The following PPP2R5C variants were observed in gnomAD, a reference collection of about 807,000 sequenced individuals.
PPP2R5C encodes protein phosphatase 2 regulatory subunit B'gamma, also known as serine/threonine-protein phosphatase 2A 56 kDa regulatory subunit gamma isoform.
A neutral mutation model predicts 68.9 loss-of-function variants in PPP2R5C; 7 were observed. That is an observed-to-expected ratio of 0.10 (90% CI 0.06 to 0.19). The LOEUF is 0.19. PPP2R5C is among the 10% of genes least tolerant of loss of function. The probability of loss-of-function intolerance (pLI) is 1.00; values close to 1 mark genes in which losing one functional copy is unlikely to be tolerated. For missense variants in PPP2R5C, 348 were observed against 641.3 expected (o/e 0.54, Z 4.94); for synonymous variants, 210 against 222.2 (o/e 0.95, Z 0.49).
chr14:101,905,269 G>A (rs1244846846), intron 9 of PPP2R5C, among the ~76,000 whole-genome samples: 2 of 152,214 alleles, frequency 1.3e-5, no homozygotes, highest in African/African-American at 2.4e-5. Flanking sequence ...TAGGAGAATC[G>A]CTTGAACCCA....
chr14:101,903,021 T>G (rs1265460130), intron 9 of PPP2R5C, among the ~76,000 whole-genome samples: 2 of 151,538 alleles, frequency 1.3e-5, no homozygotes, highest in Non-Finnish European at 2.9e-5. Flanking sequence ...TTGGGTTTTT[T>G]TTTTTTTTTT....
rs1269234855 is a variant in PPP2R5C, at chr14:101,871,974, T to G, written c.295-10187T>G. Among the ~76,000 whole-genome samples the G allele has an allele frequency of 4.6e-5, 7 of 152,126 alleles. No homozygotes were observed. The South Asian group carries it at 1.4e-3, about 31-fold the overall frequency. On this transcript the variant is annotated intron_variant, in intron 2 of 13. Transcript: ENST00000334743. ...CTTATTATTTTTGTTTTAAAGAAAT[T>G]TAAGTGATTTTTAAAAATCTTTTTT...
chr14:101,805,483 A>G (rs1366444580), upstream of PPP2R5C, among the ~76,000 whole-genome samples: 2 of 152,232 alleles, frequency 1.3e-5, no homozygotes, highest in East Asian at 1.9e-4. Context: ...TTATGCATCA[A>G]TTAAAAATAA....
upstream of PPP2R5C, among the ~76,000 whole-genome samples, chr14:101,805,648 C>A (rs969900808): frequency 7.9e-5 from 12 of 152,180 alleles, no homozygotes; most frequent in African/African-American, 2.7e-4. Flanking sequence ...AAGGTGGAAG[C>A]AACCCAAATG....
Position 101,915,270 on chromosome 14 carries a change from C to T in PPP2R5C, c.1327-2561C>T, listed in dbSNP as rs1046716447. On this transcript the variant is annotated intron_variant, in intron 12 of 13. Coordinates refer to ENST00000334743, the Ensembl canonical transcript of PPP2R5C. This position sits in a 1 kb window ranked among gnomAD's most constrained non-coding sequence, Gnocchi z 4.2. ...CTAATTTTTGTATTTTTAGTAGAGACGGGGTTTCACTATGTTGGCCAGGCT... is the reference window on the plus strand; with the variant it reads ...CTAATTTTTGTATTTTTAGTAGAGATGGGGTTTCACTATGTTGGCCAGGCT... 4.6e-5 allele frequency among the ~76,000 whole-genome samples: 7 copies of T among 152,096 alleles called. No homozygotes were observed. In the East Asian group the frequency reaches 5.8e-4, roughly 13 times the overall value.
chr14:101,867,581 C>G (rs979892990), intron 2 of PPP2R5C, among the ~76,000 whole-genome samples: 2 of 152,078 alleles, frequency 1.3e-5, no homozygotes, highest in Admixed American at 6.6e-5. Context: ...AGCTCGAGAC[C>G]AGCCTGACCA....
intron 3 of PPP2R5C, among the ~76,000 whole-genome samples, chr14:101,793,373 T>C (rs186714841): frequency 2.0e-5 from 3 of 152,372 alleles, no homozygotes; most frequent in Non-Finnish European, 2.9e-5. Flanking sequence ...AACATTATAG[T>C]GTTTTTGAAG....
At chr14:101,842,382 T>C (rs2041530584) in intron 1 of PPP2R5C, among the ~76,000 whole-genome samples, 1 of 152,166 alleles carries the variant, frequency 6.6e-6, no homozygotes, top group Admixed American at 6.5e-5. Flanking sequence ...GCCCGTGGGC[T>C]CTCAGTGGCT....
At chr14:101,784,515 G>A (rs1203218582) in intron 2 of PPP2R5C, among the ~76,000 whole-genome samples, 2 of 150,136 alleles carry the variant, frequency 1.3e-5, no homozygotes, top group African/African-American at 4.9e-5. Context: ...GAAAGTGGGG[G>A]GGGGGAACTG....
upstream of PPP2R5C, among the ~76,000 whole-genome samples, chr14:101,808,710 G>C (rs755254641): frequency 1.3e-5 from 2 of 152,198 alleles, no homozygotes; most frequent in Non-Finnish European, 2.9e-5. Flanking sequence ...GGGGGGAAGA[G>C]AGCAGGGGAA....
rs777570509 is a variant in PPP2R5C at position 101,883,572 on chromosome 14, G to T, written c.629+10G>T. The T allele has an allele frequency of 6.2e-7, 1 of 1,611,262 alleles. No individual in the cohort carries two copies. The highest frequency in any genetic ancestry group is 8.5e-7 in the Non-Finnish European group (1 of 1,179,186). On this transcript the variant is annotated intron_variant, in intron 5 of 13. Coordinates refer to ENST00000334743, the Ensembl canonical transcript of PPP2R5C. ...ATAATATATTTTATAGGTAAGTCAC[G>T]TGTGGATGGCGTTGTCCTTGTGTGT...
At chr14:101,875,379 G>T (rs570527387) in intron 2 of PPP2R5C, among the ~76,000 whole-genome samples, 1 of 152,186 alleles carries the variant, frequency 6.6e-6, no homozygotes, top group African/African-American at 2.4e-5. Flanking sequence ...AAAATGTACA[G>T]CATCATAGAA....
At chr14:101,902,208 T>C (rs2045726606) in intron 9 of PPP2R5C, among the ~76,000 whole-genome samples, 1 of 152,158 alleles carries the variant, frequency 6.6e-6, no homozygotes, top group Non-Finnish European at 1.5e-5. Context: ...GCATCAATAT[T>C]GATAGACAAC....
intron 1 of PPP2R5C, chr14:101,824,414 G>T (rs1344132671): frequency 5.1e-6 from 1 of 194,816 alleles, no homozygotes; most frequent in South Asian, 7.9e-5. Context: ...ACAATGTAGT[G>T]AAAAAAAAAC....
chr14:101,789,598 G>A (rs768327388), intron 3 of PPP2R5C: 1 of 152,160 alleles, frequency 6.6e-6, no homozygotes, highest in Non-Finnish European at 1.5e-5. Flanking sequence ...ATTTTCTTTA[G>A]AATATTTGCT....
intron 13 of PPP2R5C, chr14:101,921,902 T>A: frequency 1.2e-6 from 1 of 848,850 alleles, no homozygotes; most frequent in South Asian, 5.4e-5. Flanking sequence ...ATACAGAACA[T>A]TCAAAGAAAA....
At chr14:101,770,347 A>AGT (rs202124824) in intron 2 of PPP2R5C, among the ~76,000 whole-genome samples, 1,717 of 152,310 alleles carry the variant, frequency 0.011, 23 homozygotes, top group Non-Finnish European at 0.012. Flanking sequence ...TAGGAACTGA[A>AGT]GTAGTGGCTG....
intron 1 of PPP2R5C, chr14:101,819,899 G>A (rs937938880): frequency 6.6e-6 from 1 of 152,222 alleles, no homozygotes; most frequent in African/African-American, 2.4e-5. Flanking sequence ...GCTGGGATTA[G>A]AGGCGTGAGC....
chr14:101,835,051 C>T lies in PPP2R5C; in HGVS notation c.95-21635C>T, dbSNP rs527510600. ...TTTAGGAGTGTATTCAAAGCACATT[C>T]ACAGTAAGGAAAAAAAAAATGCAGC... is the stretch of plus-strand genomic sequence containing the variant. On this transcript the variant is annotated intron_variant, in intron 1 of 13. Coordinates refer to ENST00000334743, the Ensembl canonical transcript of PPP2R5C. The surrounding 1 kb of genome is among the most constrained non-coding windows in gnomAD (Gnocchi z 5.0). Among the ~76,000 whole-genome samples the T allele has an allele frequency of 5.3e-5, 8 of 152,042 alleles. No homozygotes were observed. The highest frequency in any genetic ancestry group is 2.6e-4 in the Admixed American group (4 of 15,268).
Sources: allele counts gnomAD v4.1 joint callset (sites outside exome capture counted in the v4.1 genomes callset), GRCh38; gene constraint gnomAD v4.1.1; non-coding constraint Gnocchi (gnomAD v3.1); transcripts MANE v1.5; gene names NCBI Gene and HGNC (gene_info 2026-07-23, HGNC 2026-07-21).